FAM153A: variants seen among roughly 807,000 people sequenced by gnomAD.
FAM153A encodes family with sequence similarity 153 member A, also known as protein FAM153A.
Under a neutral mutation model 48.1 loss-of-function variants are expected in FAM153A, and 12 were observed. The observed-to-expected ratio is 0.25, with a 90% CI of 0.16 to 0.40. The LOEUF (loss-of-function observed/expected upper bound fraction) is 0.40. FAM153A is among the 10% of genes least tolerant of loss of function. The pLI is 1.00. For synonymous variants in FAM153A, 36 were observed against 118.2 expected, an observed-to-expected ratio of 0.30 and a Z score of 4.51; for missense variants, 111 against 345.8, an observed-to-expected ratio of 0.32 and a Z score of 5.38.
intron 9 of FAM153A, 89 bp from the exon 12 acceptor site, chr5:177,739,226 C>A: frequency 1.4e-6 from 2 of 1,420,106 alleles, no homozygotes; most frequent in South Asian, 2.4e-5. Context: ...TATTAGAAAA[C>A]CAGATGGGAA....
downstream of FAM153A, chr5:177,722,582 CAG>C (rs1443629101): frequency 2.8e-4 from 42 of 150,570 alleles, no homozygotes; most frequent in African/African-American, 9.9e-4. Context: ...GCAACACAGA[CAG>C]AGGTGCAAGG....
chr5:177,761,126 G>A (rs1458419954), intron 1 of FAM153A, among the ~76,000 whole-genome samples: 1 of 150,064 alleles, frequency 6.7e-6, no homozygotes, highest in Non-Finnish European at 1.5e-5. Context: ...GGGCTTGGCT[G>A]GAGAACTTAC....
At chr5:177,709,313 A>T (rs58370492), downstream of FAM153A, among the ~76,000 whole-genome samples, 1 of 123,308 alleles carries the variant, frequency 8.1e-6, no homozygotes, top group Admixed American at 9.1e-5. Context: ...ACTATTAACT[A>T]TTTATTGACA....
At chr5:177,738,617 C>T (rs1765060510) in intron 10 of FAM153A, among the ~76,000 whole-genome samples, 2 of 151,314 alleles carry the variant, frequency 1.3e-5, no homozygotes, top group Admixed American at 6.6e-5. Flanking sequence ...GCCTCTTGCA[C>T]TGAGGAGATA....
chr5:177,694,930 T>A, the FAM153A span, among the ~76,000 whole-genome samples: 1 of 152,056 alleles, frequency 6.6e-6, no homozygotes, highest in East Asian at 1.9e-4. Flanking sequence ...ATTTTAGGTT[T>A]TTTATTTTTT....
chr5:177,696,442 TCA>T, the FAM153A span, among the ~76,000 whole-genome samples: 1 of 151,946 alleles, frequency 6.6e-6, no homozygotes, highest in Non-Finnish European at 1.5e-5. Flanking sequence ...TCCTCACATC[TCA>T]GTTTTTGAGC....
intron 1 of FAM153A, among the ~76,000 whole-genome samples, chr5:177,764,385 G>A (rs1768554774): frequency 6.6e-6 from 1 of 151,172 alleles, no homozygotes; most frequent in South Asian, 2.1e-4. Flanking sequence ...CCCAAGTGAG[G>A]GCGACTTCGG....
At chr5:177,706,160 A>G (rs1757866047), downstream of FAM153A, among the ~76,000 whole-genome samples, 1 of 151,682 alleles carries the variant, frequency 6.6e-6, no homozygotes, top group Admixed American at 6.6e-5. Context: ...ATCTTGAAAA[A>G]AAGAAAGAAT....
chr5:177,738,087 G>C (rs750258315), intron 10 of FAM153A, among the ~76,000 whole-genome samples: 4 of 151,154 alleles, frequency 2.6e-5, no homozygotes, highest in Non-Finnish European at 5.9e-5. Context: ...AGCCCATCAC[G>C]GGGGCAGCAG....
intron 24 of FAM153A, chr5:177,717,050 T>A (rs927360527): frequency 1.3e-5 from 2 of 149,094 alleles, no homozygotes; most frequent in Non-Finnish European, 3.0e-5. Flanking sequence ...CTCTTTGGCC[T>A]CCCAAAATGC....
downstream of FAM153A, among the ~76,000 whole-genome samples, chr5:177,719,176 G>A (rs1247531138): frequency 4.6e-5 from 7 of 151,210 alleles, no homozygotes; most frequent in Non-Finnish European, 8.8e-5. Flanking sequence ...GAGCCACCTC[G>A]CCTGGCCTGT....
At chr5:177,704,595 A>G (rs906145677), downstream of FAM153A, among the ~76,000 whole-genome samples, 6 of 150,924 alleles carry the variant, frequency 4.0e-5, no homozygotes, top group African/African-American at 1.5e-4. Context: ...GAGGTCGGGC[A>G]TGGTGGGAGG....
chr5:177,756,421 G>C (rs2127705391), upstream of FAM153A, among the ~76,000 whole-genome samples: 1 of 144,404 alleles, frequency 6.9e-6, no homozygotes, highest in African/African-American at 2.6e-5. Flanking sequence ...ACATTAGACA[G>C]ATCCACGAGA....
Position 177,736,612 on chromosome 5 carries a change from A to G in FAM153A, c.634-3T>C, listed in dbSNP as rs774605542. On this transcript the variant is annotated splice_region_variant and splice_polypyrimidine_tract_variant and intron_variant, in intron 11 of 20. Transcript: ENST00000614127. ...AGTGTGTCTGGGTCCCCCTCCATCT[A>G]GAGAAAAACAAAACACTATGAGGAT... 7.5e-6 allele frequency: 12 copies of G among 1,595,646 alleles called. No homozygotes were observed. The South Asian group carries it at 1.3e-4, about 18-fold the overall frequency.
chr5:177,734,668 G>A (rs1400678628), intron 13 of FAM153A, among the ~76,000 whole-genome samples, 195 bp downstream of exon 15: 11 of 148,354 alleles, frequency 7.4e-5, no homozygotes, highest in Non-Finnish European at 1.5e-4. Context: ...TTACACAACA[G>A]GTGACTGATG....
intron 25 of FAM153A, among the ~76,000 whole-genome samples, chr5:177,714,882 CAAG>C: frequency 1.0e-5 from 1 of 98,166 alleles, no homozygotes; most frequent in Non-Finnish European, 2.2e-5. Flanking sequence ...TAAAGAATGA[CAAG>C]AAAAAAAGCT....
chr5:177,737,862 G>T (rs541303139), intron 10 of FAM153A, among the ~76,000 whole-genome samples: 1 of 151,776 alleles, frequency 6.6e-6, no homozygotes, highest in Non-Finnish European at 1.5e-5. Flanking sequence ...TCTTCAATGA[G>T]GAGATTAATT....
intron 10 of FAM153A, 42 bp downstream of exon 12, chr5:177,739,071 T>C (rs747425517): frequency 1.2e-6 from 2 of 1,609,122 alleles, no homozygotes; most frequent in South Asian, 2.2e-5. Context: ...TTCTCAACAC[T>C]AAGATTTTTC....
At chr5:177,706,327 G>A (rs187660916), downstream of FAM153A, among the ~76,000 whole-genome samples, 785 of 151,804 alleles carry the variant, frequency 5.2e-3, 1 homozygote, top group Middle Eastern at 0.01. Flanking sequence ...CTCCTGAGTA[G>A]CTGGGACTAC....
Sources: allele counts gnomAD v4.1 joint callset (sites outside exome capture counted in the v4.1 genomes callset), GRCh38; gene constraint gnomAD v4.1.1; transcripts MANE v1.5; gene names NCBI Gene and HGNC (gene_info 2026-07-23, HGNC 2026-07-21).